ELMO1: variants seen among roughly 807,000 people sequenced by gnomAD.
ELMO1 encodes the protein engulfment and cell motility protein 1.
ELMO1 carries 26 observed loss-of-function variants against 98.9 expected under a neutral mutation model. That is an observed-to-expected ratio of 0.26 (90% CI 0.19 to 0.36). ELMO1 has a LOEUF of 0.36. ELMO1 is among the 10% of genes least tolerant of loss of function. The pLI is 1.00. For missense variants in ELMO1, 627 were observed against 935.2 expected (o/e 0.67, Z 4.30); for synonymous variants, 346 against 346.0 (o/e 1.00, Z 0.00).
intron 16 of ELMO1, among the ~76,000 whole-genome samples, chr7:36,931,010 A>T (rs2129083990): frequency 6.6e-6 from 1 of 152,312 alleles, no homozygotes; most frequent in South Asian, 2.1e-4. Context: ...ATTACACTTC[A>T]TTCATTTTTG....
intron 13 of ELMO1, among the ~76,000 whole-genome samples, chr7:37,144,045 C>A (rs562068457): frequency 6.6e-6 from 1 of 151,974 alleles, no homozygotes; most frequent in Non-Finnish European, 1.5e-5. Context: ...TTCTCCACCC[C>A]CTCAGACATT....
intron 14 of ELMO1, among the ~76,000 whole-genome samples, chr7:37,132,151 C>T (rs1786966380): frequency 6.6e-6 from 1 of 152,202 alleles, no homozygotes; most frequent in Admixed American, 6.5e-5. Flanking sequence ...AATGCCCACA[C>T]TGACATCACT....
intron 1 of ELMO1, among the ~76,000 whole-genome samples, chr7:37,404,146 T>A (rs1471431963): frequency 1.3e-5 from 2 of 152,146 alleles, no homozygotes; most frequent in African/African-American, 4.8e-5. Context: ...TAATCATTTT[T>A]TCTCTCTAAT....
intron 16 of ELMO1, among the ~76,000 whole-genome samples, chr7:36,980,891 C>T (rs925504121): frequency 6.6e-6 from 1 of 152,022 alleles, no homozygotes; most frequent in Non-Finnish European, 1.5e-5. Context: ...TTTGTTCCAC[C>T]AGTGTTGCTT....
chr7:37,088,997 A>G (rs548308972), intron 15 of ELMO1, among the ~76,000 whole-genome samples: 1 of 152,308 alleles, frequency 6.6e-6, no homozygotes, highest in Non-Finnish European at 1.5e-5. Flanking sequence ...TCGTATTTGG[A>G]GAAAAAAAAA....
At chr7:37,027,769 A>C (rs1477253916) in intron 15 of ELMO1, among the ~76,000 whole-genome samples, 1 of 152,104 alleles carries the variant, frequency 6.6e-6, no homozygotes, top group Non-Finnish European at 1.5e-5. Flanking sequence ...GACCCCAAGA[A>C]GCATATCCTC....
chr7:37,109,086 A>T (rs146886896), intron 14 of ELMO1, among the ~76,000 whole-genome samples: 1 of 152,274 alleles, frequency 6.6e-6, no homozygotes, highest in African/African-American at 2.4e-5. Context: ...GCTACTCAGC[A>T]TTCAGGGCAC....
chr7:37,346,128 G>C (rs1378477462), intron 1 of ELMO1, among the ~76,000 whole-genome samples: 1 of 152,194 alleles, frequency 6.6e-6, no homozygotes, highest in East Asian at 1.9e-4. Flanking sequence ...CCTGAAACAG[G>C]TGACTTGCTG....
chr7:37,353,465 G>A (rs1801367128), intron 1 of ELMO1: 2 of 166,740 alleles, frequency 1.2e-5, no homozygotes, highest in Non-Finnish European at 1.3e-5. Flanking sequence ...TCTTCCTCCC[G>A]GTGGGTTCGT....
intron 2 of ELMO1, among the ~76,000 whole-genome samples, chr7:37,329,988 A>G (rs1800015972): frequency 6.6e-6 from 1 of 152,152 alleles, no homozygotes. Flanking sequence ...GCACCTTCTA[A>G]AAGTACAACT....
intron 16 of ELMO1, among the ~76,000 whole-genome samples, chr7:36,997,195 A>G (rs1044449301): frequency 1.3e-5 from 2 of 152,228 alleles, no homozygotes. Context: ...CTAAGCTATG[A>G]CAGGAGAAAG....
At chr7:37,305,444 T>TTG (rs1798561143) in intron 4 of ELMO1, among the ~76,000 whole-genome samples, 3 of 47,352 alleles carry the variant, frequency 6.3e-5, no homozygotes, top group Admixed American at 3.1e-4. Flanking sequence ...ACAGTACAGA[T>TTG]AGTGTGTGTG....
chr7:37,233,773 C>T (rs1794311111), intron 7 of ELMO1, among the ~76,000 whole-genome samples: 1 of 152,182 alleles, frequency 6.6e-6, no homozygotes, highest in East Asian at 1.9e-4. Flanking sequence ...CAGATACAAA[C>T]ATGTATGCAA....
intron 13 of ELMO1, among the ~76,000 whole-genome samples, chr7:37,206,961 AGAC>A (rs1284076134): frequency 6.6e-6 from 1 of 152,250 alleles, no homozygotes; most frequent in African/African-American, 2.4e-5. Context: ...GATGAACTAC[AGAC>A]ATCTCCTTTT....
rs568219641 is a variant in ELMO1, at chr7:37,192,535, C to T, written c.1086+18851G>A. Among the ~76,000 whole-genome samples, 10 of 146,354 alleles carry T rather than the reference C, an allele frequency of 6.8e-5. No homozygotes were observed. The East Asian group carries it at 1.8e-3, about 27-fold the overall frequency. The stretch of plus-strand genomic sequence containing the variant: ...AAAAACTGGGCCGGGCGCAGTGGTT[C>T]ACACCTATAATCCAGCAATTTGGGA... On this transcript the variant is annotated intron_variant, in intron 13 of 21. Transcript: ENST00000310758.
chr7:37,154,578 C>T (rs1366252067), intron 13 of ELMO1, among the ~76,000 whole-genome samples: 1 of 151,982 alleles, frequency 6.6e-6, no homozygotes, highest in African/African-American at 2.4e-5. Context: ...GATTGAAGAT[C>T]AAATTAATGA....
chr7:36,956,012 C>G (rs1370998997), intron 16 of ELMO1, among the ~76,000 whole-genome samples: 2 of 152,162 alleles, frequency 1.3e-5, no homozygotes, highest in Non-Finnish European at 2.9e-5. Context: ...TTAGAAGATC[C>G]CTTTTTCATG....
chr7:37,072,184 G>A (rs1402594857), intron 15 of ELMO1, among the ~76,000 whole-genome samples: 2 of 152,154 alleles, frequency 1.3e-5, no homozygotes, highest in Non-Finnish European at 2.9e-5. Flanking sequence ...TGAAAATTGG[G>A]CTTGGGCCCT....
intron 1 of ELMO1, chr7:37,375,832 C>T: frequency 1.3e-6 from 1 of 783,836 alleles, no homozygotes; most frequent in Non-Finnish European, 2.2e-6. Flanking sequence ...GACTGGCAGG[C>T]CTCGGCCTAA....
Sources: allele counts gnomAD v4.1 joint callset (sites outside exome capture counted in the v4.1 genomes callset), GRCh38; gene constraint gnomAD v4.1.1; transcripts MANE v1.5; gene names NCBI Gene and HGNC (gene_info 2026-07-23, HGNC 2026-07-21).